TALDO1: variants seen among roughly 807,000 people sequenced by gnomAD.
The protein encoded by TALDO1 is transaldolase.
TALDO1 carries 29 observed loss-of-function variants against 38.1 expected under a neutral mutation model. The observed-to-expected ratio is 0.76, with a 90% CI of 0.57 to 1.04. The LOEUF is 1.04. TALDO1 is among the 50% of genes least tolerant of loss of function. The pLI, the probability that TALDO1 is intolerant of heterozygous loss-of-function variation, is 0.00. For synonymous variants in TALDO1, 207 were observed against 176.8 expected, an observed-to-expected ratio of 1.17 and a Z score of -1.36; for missense variants, 499 against 438.1, an observed-to-expected ratio of 1.14 and a Z score of -1.24.
chr11:764,759 C>T, intron 7 of TALDO1, 54 bp from the exon 8 acceptor site: 3 of 1,613,824 alleles, frequency 1.9e-6, no homozygotes, highest in Non-Finnish European at 1.7e-6. Flanking sequence ...TGTGAGGCTT[C>T]AAGGTGCAGA....
At chr11:752,696 C>T (rs1297082575) in intron 1 of TALDO1, among the ~76,000 whole-genome samples, 1 of 150,904 alleles carries the variant, frequency 6.6e-6, no homozygotes, top group Non-Finnish European at 1.5e-5. Flanking sequence ...TTCTCACATG[C>T]CTTGCCCTAT....
Position 764,901 on chromosome 11 carries a change from G to A in TALDO1, c.*56G>A. ...ACCGCCGGCCAGCTGGGATCTGACTGCACGTGGCTTCTGATGAATCTTGCG... is the reference window on the plus strand; with the variant it reads ...ACCGCCGGCCAGCTGGGATCTGACTACACGTGGCTTCTGATGAATCTTGCG... On this transcript the variant is annotated 3_prime_UTR_variant, in exon 8 of 8. Transcript: ENST00000319006. 1 of 1,609,984 alleles carries A rather than the reference G, an allele frequency of 6.2e-7. No individual in the cohort carries two copies.
chr11:760,185 A>G lies in TALDO1; in HGVS notation c.393A>G (p.Glu131=). ...RARRLIELYK[E]AGISKDRILI... Reference sequence around the variant, plus strand: ...GGCGGCTCATCGAGCTCTACAAGGAAGCTGGGATCAGCAAGGACCGAATTC... The same window carrying G: ...GGCGGCTCATCGAGCTCTACAAGGAGGCTGGGATCAGCAAGGACCGAATTC... The change falls in exon 4 of 8, where the codon GAA becomes GAG. Residue 131 remains glutamate (E), a synonymous_variant. Coordinates refer to ENST00000319006, the MANE Select transcript of TALDO1 (RefSeq NM_006755.2). 6.2e-7 allele frequency: 1 copy of G among 1,614,256 alleles called. No homozygotes were observed. The highest frequency in any genetic ancestry group is 2.2e-5 in the East Asian group (1 of 44,894).
At chr11:758,306 G>T (rs1447090612) in intron 2 of TALDO1, among the ~76,000 whole-genome samples, 1 of 151,934 alleles carries the variant, frequency 6.6e-6, no homozygotes, top group Non-Finnish European at 1.5e-5. Flanking sequence ...AATTAGCCAG[G>T]TATAGAGGTG....
At chr11:753,392 G>A (rs1307099315) in intron 1 of TALDO1, among the ~76,000 whole-genome samples, 2 of 152,070 alleles carry the variant, frequency 1.3e-5, no homozygotes, top group African/African-American at 2.4e-5. Flanking sequence ...CTAGCCGGCC[G>A]CAGTGGCGGG....
At chr11:756,041 C>T (rs527878071) in intron 2 of TALDO1, 39 bp downstream of exon 2, 73 of 1,600,946 alleles carry the variant, frequency 4.6e-5, no homozygotes, top group Non-Finnish European at 6.1e-5. Flanking sequence ...GCTAGGCCCT[C>T]GTGCTAGTCT....
chr11:764,190 G>A (rs1392816767), intron 6 of TALDO1, 98 bp from the exon 7 acceptor site: 4 of 1,599,882 alleles, frequency 2.5e-6, no homozygotes, highest in Non-Finnish European at 2.6e-6. Flanking sequence ...TGGCCCTGGT[G>A]GGAGATGCTT....
intron 4 of TALDO1, among the ~76,000 whole-genome samples, chr11:762,034 C>G (rs1411114495): frequency 2.6e-5 from 4 of 152,018 alleles, no homozygotes; most frequent in African/African-American, 9.7e-5. Context: ...GGTGCTATCT[C>G]AGCTCACTGC....
At position 755,995 on chromosome 11, in the gene TALDO1, C is replaced by T; in HGVS notation, c.214C>T (p.Leu72=). 1 of 1,613,042 alleles carries T rather than the reference C, an allele frequency of 6.2e-7. No individual in the cohort carries two copies. The highest frequency in any genetic ancestry group is 1.3e-5 in the African/African-American group (1 of 75,044). The change falls in exon 2 of 8, where the codon CTG becomes TTG. Residue 72 remains leucine, a synonymous_variant. Transcript: ENST00000319006. ...VEEAIAYGRK[L]GGSQEDQIKN... is the part of the protein sequence containing the mutation. ...GGAGGCGATTGCCTATGGCCGGAAG[C>T]TGGGCGGGTGAGTGCCTGGACTCGG...
At chr11:763,592 C>A (rs980434190) in intron 5 of TALDO1, 73 bp downstream of exon 5, 1 of 1,595,668 alleles carries the variant, frequency 6.3e-7, no homozygotes, top group African/African-American at 1.3e-5. Context: ...GAGCCCGAGA[C>A]GGAGCTGCCG....
At chr11:753,347 C>T (rs531805667) in intron 1 of TALDO1, among the ~76,000 whole-genome samples, 58 of 151,912 alleles carry the variant, frequency 3.8e-4, no homozygotes, top group Non-Finnish European at 6.2e-4. Flanking sequence ...CTGGCTAACA[C>T]GGTGAAACCC....
intron 1 of TALDO1, among the ~76,000 whole-genome samples, chr11:749,840 A>T (rs1223716241): frequency 1.3e-5 from 2 of 152,242 alleles, no homozygotes; most frequent in Non-Finnish European, 2.9e-5. Flanking sequence ...GCACTGTGCC[A>T]GATGTCATGT....
At chr11:762,194 C>A (rs1245469966) in intron 4 of TALDO1, among the ~76,000 whole-genome samples, 1 of 151,184 alleles carries the variant, frequency 6.6e-6, no homozygotes, top group Non-Finnish European at 1.5e-5. Context: ...AAACTCCCAG[C>A]CTCAGGTGAT....
At chr11:751,635 A>T (rs1862752923) in intron 1 of TALDO1, among the ~76,000 whole-genome samples, 1 of 152,112 alleles carries the variant, frequency 6.6e-6, no homozygotes, top group South Asian at 2.1e-4. Flanking sequence ...CTCTACTAAA[A>T]ATACAAAAAA....
intron 1 of TALDO1, among the ~76,000 whole-genome samples, chr11:755,413 G>A (rs929496177): frequency 3.5e-4 from 54 of 152,122 alleles, no homozygotes; most frequent in African/African-American, 1.3e-3. Flanking sequence ...CAAAGTGCTG[G>A]GATTACAGGC....
In TALDO1 at chr11:763,939, A is replaced by C. The variant is rs774217411; in HGVS notation, c.830A>C (p.Lys277Thr). Reference protein sequence around the residue: ...NAKLVPVLSAKAAQASDLEKI... With the variant: ...NAKLVPVLSATAAQASDLEKI... ...AAGCTGGTGCCTGTGCTCTCAGCCA[A>C]GGCGGGTGAGGCCCCACTGCCCAGC... The change falls in exon 6 of 8, where the codon AAG (lysine) becomes ACG (threonine). Residue 277 changes from lysine to threonine, a missense_variant. Transcript: ENST00000319006. The C allele has an allele frequency of 7.5e-6, 12 of 1,608,072 alleles. No homozygotes were observed. Among genetic ancestry groups the C allele is most frequent in the Non-Finnish European group, 1.0e-5 (12 of 1,179,792 alleles).
chr11:758,550 G>C (rs1288190644), intron 2 of TALDO1, among the ~76,000 whole-genome samples: 1 of 151,614 alleles, frequency 6.6e-6, no homozygotes, highest in Non-Finnish European at 1.5e-5. Context: ...AGGAAATTTG[G>C]CAAAGAAATA....
intron 4 of TALDO1, among the ~76,000 whole-genome samples, chr11:761,654 G>T (rs1655208141): frequency 6.6e-6 from 1 of 152,208 alleles, no homozygotes; most frequent in South Asian, 2.1e-4. Context: ...TTCCACATCT[G>T]TGTGTCTGCA....
intron 2 of TALDO1, among the ~76,000 whole-genome samples, chr11:757,660 G>T (rs935548702): frequency 3.9e-5 from 6 of 152,160 alleles, no homozygotes; most frequent in East Asian, 1.9e-4. Flanking sequence ...GGCTAACAAG[G>T]CTGCTCAGAT....
Sources: gnomAD v4.1 joint callset for allele counts (sites outside exome capture counted in the v4.1 genomes callset) on GRCh38, gnomAD v4.1.1 for gene constraint, MANE v1.5 for transcripts, NCBI Gene and HGNC (gene_info 2026-07-23, HGNC 2026-07-21) for gene names.